NSD1: variants seen among roughly 807,000 people sequenced by gnomAD.
NSD1 encodes the protein histone-lysine N-methyltransferase, H3 lysine-36 specific.
In NSD1, 26 loss-of-function variants were observed where a neutral mutation model predicts 242.7. That is an observed-to-expected ratio of 0.11 (90% confidence interval 0.08 to 0.15). The LOEUF (loss-of-function observed/expected upper bound fraction) is 0.15. NSD1 is among the 10% of genes least tolerant of loss of function. NSD1 has a pLI of 1.00. For missense variants in NSD1, 2,495 were observed against 3,272.8 expected, an observed-to-expected ratio of 0.76 and a Z score of 5.80; for synonymous variants, 1,106 against 1,178.1, an observed-to-expected ratio of 0.94 and a Z score of 1.25.
At chr5:177,174,133 G>A (rs548582278) in intron 2 of NSD1, among the ~76,000 whole-genome samples, 8 of 152,078 alleles carry the variant, frequency 5.3e-5, no homozygotes, top group Admixed American at 2.0e-4. Flanking sequence ...TTGGGAGTCC[G>A]AGGCGGGTGG....
chr5:177,160,262 T>A (rs1562134805), intron 2 of NSD1, among the ~76,000 whole-genome samples: 1 of 152,178 alleles, frequency 6.6e-6, no homozygotes, highest in Non-Finnish European at 1.5e-5. Flanking sequence ...AAGATTACCC[T>A]TGAATGAGCT....
chr5:177,186,873 C>T (rs1761276798), intron 2 of NSD1, among the ~76,000 whole-genome samples: 1 of 151,972 alleles, frequency 6.6e-6, no homozygotes, highest in Non-Finnish European at 1.5e-5. Flanking sequence ...TGGCTGAAAT[C>T]AACGCGCCAC....
At chr5:177,174,909 T>A (rs1202211988) in intron 2 of NSD1, among the ~76,000 whole-genome samples, 1 of 138,282 alleles carries the variant, frequency 7.2e-6, no homozygotes, top group Non-Finnish European at 1.5e-5. Context: ...TCTCGCTCTG[T>A]CACCCAGGCT....
chr5:177,261,284 T>C (rs1174181204), intron 14 of NSD1, among the ~76,000 whole-genome samples: 2 of 145,944 alleles, frequency 1.4e-5, no homozygotes, highest in African/African-American at 5.1e-5. Context: ...TTCACCATGT[T>C]GGCCAGGCTG....
At chr5:177,243,898 G>A (rs1766080627) in intron 8 of NSD1, among the ~76,000 whole-genome samples, 1 of 152,050 alleles carries the variant, frequency 6.6e-6, no homozygotes, top group African/African-American at 2.4e-5. Context: ...TCTCCATGTT[G>A]GTCAGGCTGG....
intron 2 of NSD1, among the ~76,000 whole-genome samples, chr5:177,155,455 G>A (rs1758049893): frequency 6.6e-6 from 1 of 151,362 alleles, no homozygotes; most frequent in South Asian, 2.1e-4. Context: ...GTAGAGATGG[G>A]ATTTCACCAT....
chr5:177,284,234 G>A (rs1759119639), intron 20 of NSD1, among the ~76,000 whole-genome samples: 1 of 152,032 alleles, frequency 6.6e-6, no homozygotes, highest in African/African-American at 2.4e-5. Flanking sequence ...TCATATAAAT[G>A]GACAATATTT....
At chr5:177,240,857 T>C (rs901416101) in intron 8 of NSD1, among the ~76,000 whole-genome samples, 20 of 151,344 alleles carry the variant, frequency 1.3e-4, no homozygotes, top group African/African-American at 4.9e-4. Context: ...CAAAAAACTG[T>C]CCCAAAAAAA....
At chr5:177,177,478 C>A (rs1025731027) in intron 2 of NSD1, among the ~76,000 whole-genome samples, 3 of 152,032 alleles carry the variant, frequency 2.0e-5, no homozygotes, top group Non-Finnish European at 4.4e-5. Context: ...CCACTCCACT[C>A]CAGTCTGGGT....
intron 2 of NSD1, among the ~76,000 whole-genome samples, chr5:177,170,381 C>T (rs920481499): frequency 1.3e-4 from 19 of 144,666 alleles, no homozygotes; most frequent in East Asian, 6.4e-4. Flanking sequence ...GACGGAGTCT[C>T]GCTCTGTCGC....
intron 2 of NSD1, among the ~76,000 whole-genome samples, chr5:177,189,020 G>A (rs551501224): frequency 1.3e-5 from 2 of 152,178 alleles, no homozygotes; most frequent in South Asian, 4.2e-4. Context: ...TCCAGCCTGG[G>A]AGGCAGAGTG....
chr5:177,289,591 T>G (rs1459922745), intron 21 of NSD1, among the ~76,000 whole-genome samples: 1 of 152,100 alleles, frequency 6.6e-6, no homozygotes, highest in African/African-American at 2.4e-5. Context: ...TGTCCCTGTC[T>G]TTCTCTCACT....
intron 2 of NSD1, among the ~76,000 whole-genome samples, chr5:177,160,872 A>G (rs1758692375): frequency 6.6e-6 from 1 of 151,638 alleles, no homozygotes; most frequent in South Asian, 2.1e-4. Flanking sequence ...AGGTTGAAGC[A>G]GTTCTCATGC....
chr5:177,165,983 C>T (rs905179749), intron 2 of NSD1, among the ~76,000 whole-genome samples: 1 of 148,916 alleles, frequency 6.7e-6, no homozygotes, highest in Non-Finnish European at 1.5e-5. Flanking sequence ...AATCTCGGCT[C>T]ATTGCAACCT....
intron 14 of NSD1, chr5:177,266,597 G>T: frequency 1.5e-6 from 1 of 659,944 alleles, no homozygotes; most frequent in Non-Finnish European, 2.3e-6. Flanking sequence ...ATCTTCACCC[G>T]CACCTACTCC....
intron 2 of NSD1, among the ~76,000 whole-genome samples, chr5:177,140,970 C>T (rs772263255): frequency 1.2e-4 from 18 of 152,134 alleles, no homozygotes; most frequent in Non-Finnish European, 5.9e-5. Flanking sequence ...CTCTTCACAC[C>T]TGAGGTTCTG....
chr5:177,180,658 C>A (rs767127334), intron 2 of NSD1, among the ~76,000 whole-genome samples: 23 of 151,740 alleles, frequency 1.5e-4, no homozygotes, highest in Non-Finnish European at 2.9e-4. Context: ...TCTTGTTTTT[C>A]TTTTTATTAT....
At chr5:177,167,266 G>T (rs903507693) in intron 2 of NSD1, among the ~76,000 whole-genome samples, 7 of 151,822 alleles carry the variant, frequency 4.6e-5, no homozygotes, top group African/African-American at 1.7e-4. Context: ...GCCGGGTGTG[G>T]TGGCTCACAC....
chr5:177,283,314 G>A (rs1176507713), intron 19 of NSD1, among the ~76,000 whole-genome samples: 1 of 151,916 alleles, frequency 6.6e-6, no homozygotes, highest in Non-Finnish European at 1.5e-5. Flanking sequence ...CTCAAATTGT[G>A]CACTAGGATT....
Sources: allele counts gnomAD v4.1 joint callset (sites outside exome capture counted in the v4.1 genomes callset), GRCh38; gene constraint gnomAD v4.1.1; transcripts MANE v1.5; gene names NCBI Gene and HGNC (gene_info 2026-07-23, HGNC 2026-07-21).